Variants in L3MBTL4 observed in about 807,000 individuals in gnomAD.
L3MBTL4 encodes L3MBTL histone methyl-lysine binding protein 4.
L3MBTL4 carries 70 observed loss-of-function variants against 84.5 expected under a neutral mutation model. That is an observed-to-expected ratio of 0.83 (90% CI 0.68 to 1.01). The LOEUF (loss-of-function observed/expected upper bound fraction) is 1.01. Among genes scored for constraint, L3MBTL4 ranks in the 50% least tolerant of loss-of-function variants. L3MBTL4 has a pLI of 0.00. For missense variants in L3MBTL4, 715 were observed against 754.8 expected (o/e 0.95, Z 0.62); for synonymous variants, 274 against 259.8 (o/e 1.05, Z -0.52).
At chr18:6,382,416 T>G (rs941159968) in intron 1 of L3MBTL4, among the ~76,000 whole-genome samples, 5 of 152,162 alleles carry the variant, frequency 3.3e-5, no homozygotes, top group African/African-American at 1.2e-4. Flanking sequence ...GATGTTCTAG[T>G]TTTTGGAATT....
chr18:6,334,248 A>C (rs1240028270), intron 1 of L3MBTL4, among the ~76,000 whole-genome samples: 1 of 152,212 alleles, frequency 6.6e-6, no homozygotes, highest in African/African-American at 2.4e-5. Flanking sequence ...CAGGTAAACT[A>C]TCTGATGATA....
chr18:6,217,839 TTC>T (rs575132094), intron 10 of L3MBTL4, among the ~76,000 whole-genome samples: 18 of 152,230 alleles, frequency 1.2e-4, no homozygotes, highest in Non-Finnish European at 2.2e-4. Context: ...CCCTATTATT[TTC>T]TGTTTGTGTT....
At chr18:6,213,402 T>G in intron 11 of L3MBTL4, 143 bp from the exon 12 acceptor site, 1 of 561,164 alleles carries the variant, frequency 1.8e-6, no homozygotes. Context: ...TTGTTTTGCT[T>G]TTTTGTTTTT....
At chr18:6,244,408 A>G in intron 6 of L3MBTL4, 76 bp downstream of exon 6, 2 of 933,986 alleles carry the variant, frequency 2.1e-6, no homozygotes, top group East Asian at 5.1e-5. Flanking sequence ...TAAATATCAA[A>G]CAAATTTGTT....
chr18:6,109,193 T>C lies in L3MBTL4; in HGVS notation c.1200-15665A>G, dbSNP rs1422041393. 5.3e-5 allele frequency among the ~76,000 whole-genome samples: 8 copies of C among 152,192 alleles called. No homozygotes were observed. In the South Asian group the frequency reaches 1.2e-3, roughly 24 times the overall value. On this transcript the variant is annotated intron_variant, in intron 14 of 18. Coordinates refer to ENST00000317931, the MANE Select transcript of L3MBTL4 (RefSeq NM_001330559.2). Reference sequence around the variant, plus strand: ...TCAATAGATCACATGATCTTTTCTCTGAAAAATGGCCAATATCTTTTAGAT... The same window carrying C: ...TCAATAGATCACATGATCTTTTCTCCGAAAAATGGCCAATATCTTTTAGAT...
intron 1 of L3MBTL4, among the ~76,000 whole-genome samples, chr18:6,322,042 A>G (rs1273523434): frequency 6.6e-6 from 1 of 152,174 alleles, no homozygotes; most frequent in East Asian, 1.9e-4. Flanking sequence ...CTATTGTAAT[A>G]AAAATATTTT....
intron 12 of L3MBTL4, among the ~76,000 whole-genome samples, chr18:6,210,587 C>T (rs1293544883): frequency 6.6e-6 from 1 of 152,164 alleles, no homozygotes; most frequent in Non-Finnish European, 1.5e-5. Flanking sequence ...CCTTATTTCA[C>T]ATGGTTGCAG....
Position 6,307,288 on chromosome 18 carries a change from T to A in L3MBTL4, c.72+4266A>T, listed in dbSNP as rs187339931. Among the ~76,000 whole-genome samples, 48 of 143,090 alleles carry A rather than the reference T, an allele frequency of 3.4e-4. No homozygotes were observed. In the East Asian group the frequency reaches 6.4e-3, roughly 19 times the overall value. The allele number at this position is 143,090 out of a possible 152,430, so 93.9% of individuals were successfully genotyped here. ...TCTATTAAAAATACAAAAAAAAAAA[T>A]GAGCTGAACGTGGTGGTGCGCACCT... On this transcript the variant is annotated intron_variant, in intron 3 of 18. Transcript: ENST00000317931.
In L3MBTL4 at chr18:6,290,872, A is replaced by G. The variant is rs148203326; in HGVS notation, c.127+11031T>C. The stretch of plus-strand genomic sequence containing the variant: ...CTACCTATGGTCTAGACTAGATCCT[A>G]AGTTCTAGGTTCATCCCATCCAACT... On this transcript the variant is annotated intron_variant, in intron 4 of 18. Coordinates refer to ENST00000317931, the MANE Select transcript of L3MBTL4 (RefSeq NM_001330559.2). Among the ~76,000 whole-genome samples the G allele has an allele frequency of 3.7e-3, 559 of 152,228 alleles. 2 individuals carry two copies. The highest frequency in any genetic ancestry group is 0.013 in the African/African-American group (531 of 41,544).
At chr18:6,232,531 G>T (rs904454192) in intron 10 of L3MBTL4, among the ~76,000 whole-genome samples, 4 of 151,870 alleles carry the variant, frequency 2.6e-5, no homozygotes, top group Non-Finnish European at 4.4e-5. Context: ...GGAGGTTTTT[G>T]TATTACTGAT....
intron 16 of L3MBTL4, among the ~76,000 whole-genome samples, chr18:6,044,988 C>G (rs967719520): frequency 6.6e-6 from 1 of 152,228 alleles, no homozygotes; most frequent in African/African-American, 2.4e-5. Context: ...ACAGTTCTAG[C>G]TGACAACCAC....
At chr18:6,264,526 G>C (rs2146388589) in intron 4 of L3MBTL4, among the ~76,000 whole-genome samples, 1 of 152,326 alleles carries the variant, frequency 6.6e-6, no homozygotes, top group African/African-American at 2.4e-5. Context: ...ACTCACGCCT[G>C]TAATCCCAGC....
rs575042689 is a variant in L3MBTL4, at chr18:6,177,702, C to A, written c.982-5760G>T. Among the ~76,000 whole-genome samples, 3 of 152,274 alleles carry A rather than the reference C, an allele frequency of 2.0e-5. No homozygotes were observed. In the South Asian group the frequency reaches 6.2e-4, roughly 32 times the overall value. ...GTCTCCTACTATCTTCTACTGATGG[C>A]GATGTTGCAGTGCTCAAGACATAGC... On this transcript the variant is annotated intron_variant, in intron 12 of 18. Transcript: ENST00000317931.
At chr18:6,365,073 A>G (rs1030335310) in intron 1 of L3MBTL4, among the ~76,000 whole-genome samples, 2 of 152,172 alleles carry the variant, frequency 1.3e-5, no homozygotes, top group Non-Finnish European at 2.9e-5. Flanking sequence ...ATCTTTTTAA[A>G]CTTAAGCTTG....
chr18:6,299,960 C>T (rs552951151), intron 4 of L3MBTL4, among the ~76,000 whole-genome samples: 1 of 152,202 alleles, frequency 6.6e-6, no homozygotes, highest in Non-Finnish European at 1.5e-5. Flanking sequence ...GCATGAGCCA[C>T]CACGCCTGAC....
chr18:6,322,380 A>C (rs1301983930), intron 1 of L3MBTL4, among the ~76,000 whole-genome samples: 2 of 151,234 alleles, frequency 1.3e-5, no homozygotes, highest in Non-Finnish European at 2.9e-5. Context: ...AAAAAGAAAA[A>C]GAAAGAAAAT....
At chr18:6,257,878 T>G (rs962352727) in intron 5 of L3MBTL4, among the ~76,000 whole-genome samples, 1 of 152,120 alleles carries the variant, frequency 6.6e-6, no homozygotes, top group Non-Finnish European at 1.5e-5. Context: ...ACTCCCAACC[T>G]CAGGTGATCC....
chr18:6,130,751 C>T (rs1286063330), intron 14 of L3MBTL4, among the ~76,000 whole-genome samples: 1 of 152,102 alleles, frequency 6.6e-6, no homozygotes, highest in Non-Finnish European at 1.5e-5. Context: ...ATCTTGTAGT[C>T]CCAATATTGT....
At chr18:6,079,791 T>C (rs148628526) in intron 16 of L3MBTL4, among the ~76,000 whole-genome samples, 1 of 152,324 alleles carries the variant, frequency 6.6e-6, no homozygotes, top group African/African-American at 2.4e-5. Context: ...AGAACATTTG[T>C]ATGGAACAGT....
Sources: gnomAD v4.1 joint callset for allele counts (sites outside exome capture counted in the v4.1 genomes callset) on GRCh38, gnomAD v4.1.1 for gene constraint, MANE v1.5 for transcripts, NCBI Gene and HGNC (gene_info 2026-07-23, HGNC 2026-07-21) for gene names.